The following AAK1 variants were observed in gnomAD, a reference collection of about 807,000 sequenced individuals.
AAK1 encodes the protein AP2 associated kinase 1, also known as AP2-associated protein kinase 1.
Under a neutral mutation model 116.0 loss-of-function variants are expected in AAK1, and 37 were observed. That is an observed-to-expected ratio of 0.32 (90% CI 0.25 to 0.42). AAK1 has a LOEUF of 0.42. Ranked by LOEUF, AAK1 falls within the 10% of genes least tolerant of loss-of-function variation. The probability of loss-of-function intolerance (pLI) is 1.00; values close to 1 mark genes in which losing one functional copy is unlikely to be tolerated. For missense variants in AAK1, 919 were observed against 1,170.6 expected (o/e 0.79, Z 3.14); for synonymous variants, 458 against 439.9 (o/e 1.04, Z -0.51).
At chr2:69,481,055 T>TA in intron 18 of AAK1, 94 bp from the exon 19 acceptor site, 1 of 1,102,850 alleles carries the variant, frequency 9.1e-7, no homozygotes, top group East Asian at 2.7e-5. Flanking sequence ...TCTTTTTTTT[T>TA]AATTCTCATT....
At chr2:69,595,191 C>A (rs998587921) in intron 2 of AAK1, 1 of 373,566 alleles carries the variant, frequency 2.7e-6, no homozygotes, top group Admixed American at 3.5e-5. Flanking sequence ...TGGCTCACTG[C>A]AACCTCTGCT....
At chr2:69,625,462 A>G (rs968511582) in intron 2 of AAK1, among the ~76,000 whole-genome samples, 1 of 152,248 alleles carries the variant, frequency 6.6e-6, no homozygotes, top group African/African-American at 2.4e-5. Context: ...TAACACTCTA[A>G]TAAAATGCAT....
chr2:69,636,601 C>T (rs1359297200), intron 2 of AAK1, among the ~76,000 whole-genome samples: 1 of 152,210 alleles, frequency 6.6e-6, no homozygotes, highest in Non-Finnish European at 1.5e-5. Flanking sequence ...CTCACCTGTG[C>T]TGTCCAAAAC....
intron 2 of AAK1, among the ~76,000 whole-genome samples, chr2:69,634,930 C>T (rs1217285483): frequency 1.3e-5 from 2 of 152,130 alleles, no homozygotes; most frequent in African/African-American, 4.8e-5. Flanking sequence ...CAGTAGTGTA[C>T]AAGATGACAA....
intron 5 of AAK1, among the ~76,000 whole-genome samples, chr2:69,533,022 T>C (rs1333018223): frequency 1.3e-5 from 2 of 152,148 alleles, no homozygotes; most frequent in Non-Finnish European, 2.9e-5. Flanking sequence ...CTGACTAGTA[T>C]GCCGGAGGAC....
intron 16 of AAK1, among the ~76,000 whole-genome samples, chr2:69,498,932 G>A (rs1675863954): frequency 6.6e-6 from 1 of 152,220 alleles, no homozygotes; most frequent in Non-Finnish European, 1.5e-5. Flanking sequence ...GGGCCAATAG[G>A]GACAGACTGG....
chr2:69,545,162 G>A (rs1429302700), intron 3 of AAK1, among the ~76,000 whole-genome samples: 1 of 152,086 alleles, frequency 6.6e-6, no homozygotes, highest in Non-Finnish European at 1.5e-5. Context: ...CTCTTCAGTT[G>A]GAACTGCATG....
chr2:69,628,254 TG>T (rs1674998175), intron 2 of AAK1, among the ~76,000 whole-genome samples: 1 of 151,418 alleles, frequency 6.6e-6, no homozygotes, highest in African/African-American at 2.4e-5. Context: ...GAGACCAGCC[TG>T]GGCAACATAG....
At position 69,482,762 on chromosome 2, in the gene AAK1, C is replaced by A; in HGVS notation, c.2416G>T (p.Asp806Tyr). 6.2e-7 allele frequency: 1 copy of A among 1,613,824 alleles called. No individual in the cohort carries two copies. Among genetic ancestry groups the A allele is most frequent in the Non-Finnish European group, 8.5e-7 (1 of 1,179,750 alleles). ...AAAGGATCTGTCATAGGCAAGAGGT[C>A]AGGGAGCAGAAGAGAAGTGTCAGGA... is the stretch of plus-strand genomic sequence containing the variant. ...KSPDTSLLLPDLLPMTDPFGS... is the reference protein window; with the variant it reads ...KSPDTSLLLPYLLPMTDPFGS... Residue 806 changes from aspartate (D) to tyrosine (Y), a missense_variant, in exon 18 of 22, where the codon GAC becomes TAC. By Grantham distance (160) the Asp-to-Tyr change is radical. This residue lies in a region of AAK1 where 263 missense variants were observed against 285.5 expected (regional missense o/e 0.92). Transcript: ENST00000409085.
chr2:69,529,898 C>A (rs1218778749), intron 8 of AAK1, 110 bp downstream of exon 8: 1 of 995,590 alleles, frequency 1.0e-6, no homozygotes, highest in African/African-American at 1.7e-5. Flanking sequence ...CAACTAATTT[C>A]TTTACCTTTG....
In AAK1 at chr2:69,470,118, G is replaced by T; in HGVS notation, c.*5751C>A. On this transcript the variant is annotated 3_prime_UTR_variant, in exon 22 of 22. Coordinates refer to ENST00000409085, the MANE Select transcript of AAK1 (RefSeq NM_014911.5). ...ATCTGAAGACTTAAATGTCAGGCTG[G>T]ATATTCCTTAATGAAATACATCACA... The T allele has an allele frequency of 1.0e-6, 1 of 985,376 alleles. No individual in the cohort carries two copies. The highest frequency in any genetic ancestry group is 1.2e-6 in the Non-Finnish European group (1 of 829,944). The allele number at this position is 985,376 out of a possible 1,614,324, so 61.0% of individuals were successfully genotyped here. A position where few individuals can be genotyped will look rare whatever the true frequency, so the allele number is the denominator to read the frequency against.
At chr2:69,588,059 C>A (rs1672867712) in intron 2 of AAK1, among the ~76,000 whole-genome samples, 2 of 152,088 alleles carry the variant, frequency 1.3e-5, no homozygotes, top group African/African-American at 2.4e-5. Flanking sequence ...CTACCATGCC[C>A]AGCCAAACCT....
chr2:69,593,488 A>G (rs984631631), intron 2 of AAK1, among the ~76,000 whole-genome samples: 6 of 151,624 alleles, frequency 4.0e-5, no homozygotes, highest in African/African-American at 9.7e-5. Flanking sequence ...TTTGGTATAT[A>G]TATTATATAA....
chr2:69,542,459 C>T (rs899454589), intron 5 of AAK1, 64 bp downstream of exon 5: 1 of 1,589,232 alleles, frequency 6.3e-7, no homozygotes, highest in Non-Finnish European at 8.6e-7. Flanking sequence ...AGTATCTACT[C>T]CATCCCTGGG....
chr2:69,500,396 AG>A (rs1461556093), intron 16 of AAK1: 3 of 152,018 alleles, frequency 2.0e-5, no homozygotes, highest in Non-Finnish European at 4.4e-5. Flanking sequence ...TGTTTGTAAA[AG>A]CTTAGTGTTG....
Position 69,512,634 on chromosome 2 carries a change from G to A in AAK1, c.1776+1837C>T, listed in dbSNP as rs193203553. Among the ~76,000 whole-genome samples, 7 of 152,336 alleles carry A rather than the reference G, an allele frequency of 4.6e-5. No homozygotes were observed. In the East Asian group the frequency reaches 5.8e-4, roughly 13 times the overall value. ...TAGATTAGCCCTGCCAAGAGTCAGC[G>A]GAGACAAGGATGGGTCAAAGCTGAG... On this transcript the variant is annotated intron_variant, in intron 13 of 21. Coordinates refer to ENST00000409085, the MANE Select transcript of AAK1 (RefSeq NM_014911.5).
Position 69,471,034 on chromosome 2 carries a change from T to C in AAK1, c.*4835A>G. The C allele has an allele frequency of 2.0e-6, 2 of 985,878 alleles. No homozygotes were observed. The highest frequency in any genetic ancestry group is 1.1e-4 in the East Asian group (1 of 8,818). The allele number at this position is 985,878 out of a possible 1,614,324, so 61.1% of individuals were successfully genotyped here. A position where few individuals can be genotyped will look rare whatever the true frequency, so the allele number is the denominator to read the frequency against. On this transcript the variant is annotated 3_prime_UTR_variant, in exon 22 of 22. Transcript: ENST00000409085. ...CAATGTTCAAATTTCACGTTTTTAC[T>C]GCATAAGATATCTTCATGTACAACT...
intron 11 of AAK1, among the ~76,000 whole-genome samples, chr2:69,520,358 C>CTTTT (rs71397334): frequency 7.8e-6 from 1 of 127,414 alleles, no homozygotes. Context: ...CAATTCTTTT[C>CTTTT]TTTTTTTTTT....
In AAK1 at chr2:69,532,058, T is replaced by G; in HGVS notation, c.639A>C (p.Val213=). The G allele has an allele frequency of 6.2e-7, 1 of 1,613,470 alleles. No homozygotes were observed. ...QNPQTEGVNA[V]EDEIKKYTTL... is the part of the protein sequence containing the mutation. ...AAGCTTACTTCTTAATCTCATCTTC[T>G]ACTGCATTGACTCCCTCAGTTTGTG... The change falls in exon 6 of 22, where the codon GTA becomes GTC. Residue 213 remains valine (V), a synonymous_variant. Transcript: ENST00000409085.
Sources: gnomAD v4.1 joint callset for allele counts (sites outside exome capture counted in the v4.1 genomes callset) on GRCh38, gnomAD v4.1.1 for gene constraint, gnomAD v4.1.1 regional missense constraint, MANE v1.5 for transcripts, NCBI Gene and HGNC (gene_info 2026-07-23, HGNC 2026-07-21) for gene names.